CPNE6: variants seen among roughly 807,000 people sequenced by gnomAD.
CPNE6 encodes copine 6, also known as copine-6.
Under a neutral mutation model 71.5 loss-of-function variants are expected in CPNE6, and 33 were observed. That is an observed-to-expected ratio of 0.46 (90% CI 0.35 to 0.62). CPNE6 has a LOEUF of 0.62. CPNE6 is among the 20% of genes least tolerant of loss of function. The probability of loss-of-function intolerance (pLI) is 0.00; values close to 1 mark genes in which losing one functional copy is unlikely to be tolerated. For missense variants in CPNE6, 576 were observed against 747.3 expected (o/e 0.77, Z 2.67); for synonymous variants, 296 against 293.0 (o/e 1.01, Z -0.10).
In CPNE6 at chr14:24,077,923, T is replaced by TTGGACCTGGAG. The variant is rs2036154139; in HGVS notation, c.*73_*74insTGGACCTGGAG. ...TGACCCTCGTGACTCCAGTGACCAA[T>TTGGACCTGGAG]GCCTCCACCTCTTGGACCAGGTGTG... On this transcript the variant is annotated 3_prime_UTR_variant, in exon 18 of 18. Transcript: ENST00000397016. The surrounding 1 kb of genome is among the most constrained non-coding windows in gnomAD (Gnocchi z 6.1). 4 of 518,140 alleles carry TTGGACCTGGAG rather than the reference T, an allele frequency of 7.7e-6. No homozygotes were observed. In the African/African-American group the frequency reaches 7.7e-5, roughly 10 times the overall value. The allele number at this position is 518,140 out of a possible 1,614,324, so 32.1% of individuals were successfully genotyped here. A position where few individuals can be genotyped will look rare whatever the true frequency, so the allele number is the denominator to read the frequency against.
intron 11 of CPNE6, 65 bp from the exon 11 acceptor site, chr14:24,076,084 C>A: frequency 6.3e-7 from 1 of 1,590,260 alleles, no homozygotes; most frequent in Admixed American, 1.7e-5. Context: ...CAGATCCCAG[C>A]TCTGGCCTAG....
At chr14:24,072,753 C>T (rs919678704) in intron 2 of CPNE6, 180 bp from the exon 2 acceptor site, 67 of 476,454 alleles carry the variant, frequency 1.4e-4, no homozygotes, top group Non-Finnish European at 2.3e-4. Flanking sequence ...GTGGGAGGCT[C>T]AGGTCCTCTG....
Position 24,075,675 on chromosome 14 carries a change from G to C in CPNE6, c.864+84G>C. ...GGTTCAACCCTTCCCTTGTTTCAAA[G>C]ACCAGTTTCTCTGCTTCTGGGAACT... On this transcript the variant is annotated intron_variant, in intron 10 of 17. Coordinates refer to ENST00000397016, the Ensembl canonical transcript of CPNE6. The surrounding 1 kb of genome is among the most constrained non-coding windows in gnomAD (Gnocchi z 4.3). 1 of 1,404,600 alleles carries C rather than the reference G, an allele frequency of 7.1e-7. No homozygotes were observed. Among genetic ancestry groups the C allele is most frequent in the Non-Finnish European group, 9.9e-7 (1 of 1,009,444 alleles). The allele number at this position is 1,404,600 out of a possible 1,614,324, so 87.0% of individuals were successfully genotyped here.
In CPNE6 at chr14:24,077,942, A is replaced by G. The variant is rs2036154718; in HGVS notation, c.*92A>G. 1 of 481,804 alleles carries G rather than the reference A, an allele frequency of 2.1e-6. No individual in the cohort carries two copies. Among genetic ancestry groups the G allele is most frequent in the Non-Finnish European group, 3.5e-6 (1 of 281,722 alleles). The allele number at this position is 481,804 out of a possible 1,614,324, so 29.8% of individuals were successfully genotyped here. ...GACCAATGCCTCCACCTCTTGGACC[A>G]GGTGTGCCCCCTGGGTTCTGGACGT... is the stretch of plus-strand genomic sequence containing the variant. On this transcript the variant is annotated 3_prime_UTR_variant, in exon 18 of 18. Coordinates refer to ENST00000397016, the Ensembl canonical transcript of CPNE6. The surrounding 1 kb of genome is among the most constrained non-coding windows in gnomAD (Gnocchi z 6.1).
Position 24,077,342 on chromosome 14 carries a change from T to C in CPNE6, c.1488T>C (p.Pro496=). 1.9e-6 allele frequency: 3 copies of C among 1,613,912 alleles called. No homozygotes were observed. The highest frequency in any genetic ancestry group is 2.2e-5 in the East Asian group (1 of 44,874). The stretch of plus-strand genomic sequence containing the variant: ...CCTTGCGCTGCCCCCGAGGGGTGCC[T>C]GCAGCCCGAGACATTGTCCAGTTCG... The change falls in exon 16 of 18, where the codon CCT becomes CCC. Residue 496 remains proline, a synonymous_variant. Coordinates refer to ENST00000397016, the Ensembl canonical transcript of CPNE6. This position sits in a 1 kb window ranked among gnomAD's most constrained non-coding sequence, Gnocchi z 6.1.
intron 1 of CPNE6, 61 bp from the exon 1 acceptor site, chr14:24,071,501 G>GGGGGC: frequency 1.8e-4 from 258 of 1,415,852 alleles, no homozygotes; most frequent in Middle Eastern, 2.5e-4. Context: ...CTGGTGCTGC[G>GGGGGC]CCCCCCCCCA....
chr14:24,077,878 C>T lies in CPNE6; in HGVS notation c.*38-10C>T, dbSNP rs1422424649. ...AAGAGAGTGCTTATGACTCTCCCAC[C>T]CCCTCCCAGGTGCCTGTCCTGACCC... is the stretch of plus-strand genomic sequence containing the variant. On this transcript the variant is annotated splice_polypyrimidine_tract_variant and intron_variant, in intron 17 of 17. Transcript: ENST00000397016. The surrounding 1 kb of genome is among the most constrained non-coding windows in gnomAD (Gnocchi z 6.1). 3 of 852,148 alleles carry T rather than the reference C, an allele frequency of 3.5e-6. No individual in the cohort carries two copies. The African/African-American group carries it at 5.2e-5, about 15-fold the overall frequency. 52.8% of individuals were successfully genotyped at this position (852,148 alleles called of 1,614,324 possible).
chr14:24,077,003 C>T lies in CPNE6; in HGVS notation c.1290C>T (p.Gly430=), dbSNP rs1224652592. ...CGGCCCAGCGGGAGCAGAGCACCGG[C>T]CAAGCCACGGTAGGAAGACATGGCG... The change falls in exon 15 of 18, where the codon GGC becomes GGT. Residue 430 remains glycine, a synonymous_variant. Transcript: ENST00000397016. This position sits in a 1 kb window ranked among gnomAD's most constrained non-coding sequence, Gnocchi z 6.1. The T allele has an allele frequency of 1.2e-6, 2 of 1,610,570 alleles. No homozygotes were observed. The highest frequency in any genetic ancestry group is 1.7e-6 in the Non-Finnish European group (2 of 1,180,002).
intron 14 of CPNE6, 29 bp downstream of exon 13, chr14:24,076,586 C>T (rs1157847502): frequency 6.2e-7 from 1 of 1,613,462 alleles, no homozygotes; most frequent in East Asian, 2.2e-5. Context: ...ACCTGCCCCG[C>T]CTCCCCGCAG....
Position 24,075,708 on chromosome 14 carries a change from A to AC in CPNE6, c.865-114dup. ...TCTCTGCTTCTGGGAACTGGAAACCACCCCCAACTGCAACCCAAAAAACTC... is the reference window on the plus strand; with the variant it reads ...TCTCTGCTTCTGGGAACTGGAAACCACCCCCCAACTGCAACCCAAAAAACTC... On this transcript the variant is annotated intron_variant, in intron 10 of 17. Transcript: ENST00000397016. This position sits in a 1 kb window ranked among gnomAD's most constrained non-coding sequence, Gnocchi z 4.3. The AC allele has an allele frequency of 7.4e-7, 1 of 1,347,458 alleles. No individual in the cohort carries two copies. The highest frequency in any genetic ancestry group is 1.0e-6 in the Non-Finnish European group (1 of 956,944). 83.5% of individuals were successfully genotyped at this position (1,347,458 alleles called of 1,614,324 possible).
Position 24,075,147 on chromosome 14 carries a change from C to A in CPNE6, c.673-25C>A. 1 of 1,573,844 alleles carries A rather than the reference C, an allele frequency of 6.4e-7. No homozygotes were observed. Among genetic ancestry groups the A allele is most frequent in the Non-Finnish European group, 8.7e-7 (1 of 1,143,310 alleles). ...TACCGCAGAGCATCTCCAACCTGAC[C>A]CCACCCCTCCCCCTGCCTTCTCAGT... On this transcript the variant is annotated intron_variant, in intron 8 of 17. Coordinates refer to ENST00000397016, the Ensembl canonical transcript of CPNE6. This position sits in a 1 kb window ranked among gnomAD's most constrained non-coding sequence, Gnocchi z 4.3.
In CPNE6 at chr14:24,074,271, C is replaced by T. The variant is rs765187444; in HGVS notation, c.424-20C>T. ...TGTGGTAAGGTTAGGGGAGTCCTGCCACTTGTATCCCCCTTGCAGATCGTG... is the reference window on the plus strand; with the variant it reads ...TGTGGTAAGGTTAGGGGAGTCCTGCTACTTGTATCCCCCTTGCAGATCGTG... On this transcript the variant is annotated intron_variant, in intron 5 of 17. Transcript: ENST00000397016. This position sits in a 1 kb window ranked among gnomAD's most constrained non-coding sequence, Gnocchi z 4.5. The T allele has an allele frequency of 1.3e-6, 2 of 1,594,586 alleles. No homozygotes were observed. The highest frequency in any genetic ancestry group is 1.7e-6 in the Non-Finnish European group (2 of 1,167,058).
In CPNE6 at chr14:24,073,227, C is replaced by T. The variant is rs569222563; in HGVS notation, c.168+123C>T. ...GGACTCTGCGGCGCCTTCTCGAGGC[C>T]GCTTGGGTACCCTGGAGATGGTGTC... On this transcript the variant is annotated intron_variant, in intron 3 of 17. Transcript: ENST00000397016. This position sits in a 1 kb window ranked among gnomAD's most constrained non-coding sequence, Gnocchi z 5.5. The T allele has an allele frequency of 9.1e-5, 102 of 1,118,794 alleles. 1 individual carries two copies. In the South Asian group the frequency reaches 1.3e-3, roughly 14 times the overall value. The allele number at this position is 1,118,794 out of a possible 1,614,324, so 69.3% of individuals were successfully genotyped here.
chr14:24,072,936 C>T (rs567201247), exon 3 of CPNE6: 4 of 1,572,622 alleles, frequency 2.5e-6, no homozygotes, highest in Admixed American at 1.8e-5. Context: ...CCCACAGTGA[C>T]ATGTCGGACC....
At chr14:24,076,981 C>T (rs1474452680) in exon 15 of CPNE6, 1 of 1,612,014 alleles carries the variant, frequency 6.2e-7, no homozygotes, top group Non-Finnish European at 8.5e-7. Context: ...GCTGAGCCGG[C>T]CCAGCGGGAG....
rs1314833931 is a variant in CPNE6, at chr14:24,074,052, T to C, written c.350T>C (p.Ile117Thr). The C allele has an allele frequency of 1.2e-6, 2 of 1,613,958 alleles. No individual in the cohort carries two copies. The highest frequency in any genetic ancestry group is 2.2e-5 in the East Asian group (1 of 44,890). Residue 117 changes from isoleucine (I) to threonine (T), a missense_variant and splice_region_variant, in exon 5 of 18, where the codon ATT becomes ACT. Ile to Thr is a moderately conservative substitution (Grantham distance 89). Around this residue, in one of 4 missense-constraint regions of CPNE6, gnomAD observed 214 missense variants for 291.2 expected, o/e 0.73. Transcript: ENST00000397016. This position sits in a 1 kb window ranked among gnomAD's most constrained non-coding sequence, Gnocchi z 4.5. ...GTCTCCCTCCACCTCCATCCCCAGA[T>C]TGTGTCACAAACCAAGGTCACTAAG...
rs1287194387 is a variant in CPNE6 at position 24,077,428 on chromosome 14, C to T, written c.1536+38C>T. On this transcript the variant is annotated intron_variant, in intron 16 of 17. Transcript: ENST00000397016. The surrounding 1 kb of genome is among the most constrained non-coding windows in gnomAD (Gnocchi z 6.1). ...GGCCCCTTCCGGCTGAAGGACTCCT[C>T]AGCTTCTCATCCCCCCAAATCTGAC... 5 of 1,591,414 alleles carry T rather than the reference C, an allele frequency of 3.1e-6. No homozygotes were observed. The highest frequency in any genetic ancestry group is 4.3e-6 in the Non-Finnish European group (5 of 1,159,564).
rs2035949441 is a variant in CPNE6 at position 24,073,002 on chromosome 14, G to A, written c.66G>A (p.Val22=). The A allele has an allele frequency of 1.9e-6, 3 of 1,583,896 alleles. No individual in the cohort carries two copies. Among genetic ancestry groups the A allele is most frequent in the Admixed American group, 1.8e-5 (1 of 56,252 alleles). The stretch of plus-strand genomic sequence containing the variant: ...CCATGACGCTGGGGGCCTCTCGGGT[G>A]GAGCTGCGGGTGTCCTGCCATGGCC... The change falls in exon 3 of 18, where the codon GTG becomes GTA. Residue 22 remains valine (V), a synonymous_variant. Transcript: ENST00000397016. The surrounding 1 kb of genome is among the most constrained non-coding windows in gnomAD (Gnocchi z 5.5).
chr14:24,075,431 GA>G lies in CPNE6; in HGVS notation c.778-73del. On this transcript the variant is annotated intron_variant, in intron 9 of 17. Transcript: ENST00000397016. This position sits in a 1 kb window ranked among gnomAD's most constrained non-coding sequence, Gnocchi z 4.3. ...CGGAACCATGGGGGTCTTGCTCTGG[GA>G]GGCTCTGCTGGAAGGGAGAAAGAGG... 2 of 1,486,814 alleles carry G rather than the reference GA, an allele frequency of 1.3e-6. No individual in the cohort carries two copies. The highest frequency in any genetic ancestry group is 2.3e-5 in the South Asian group (2 of 86,612). 92.1% of individuals were successfully genotyped at this position (1,486,814 alleles called of 1,614,324 possible).
Sources: allele counts gnomAD v4.1 joint callset, GRCh38; gene constraint gnomAD v4.1.1; regional missense constraint gnomAD v4.1.1; non-coding constraint Gnocchi (gnomAD v3.1); transcripts MANE v1.5; gene names NCBI Gene and HGNC (gene_info 2026-07-23, HGNC 2026-07-21).